Variants in DACH2 observed in about 807,000 individuals in gnomAD.
DACH2 encodes the protein dachshund homolog 2.
In DACH2, 17 loss-of-function variants were observed where a neutral mutation model predicts 35.8. The observed-to-expected ratio is 0.48, with a 90% confidence interval of 0.33 to 0.71. DACH2 has a LOEUF of 0.71. Ranked by LOEUF, DACH2 falls within the 30% of genes least tolerant of loss-of-function variation. The pLI is 0.02. For missense variants in DACH2, 469 were observed against 472.7 expected, an observed-to-expected ratio of 0.99 and a Z score of 0.07; for synonymous variants, 195 against 177.3, an observed-to-expected ratio of 1.10 and a Z score of -0.79.
chrX:86,246,193 A>T (rs1000461449), intron 1 of DACH2, among the ~76,000 whole-genome samples: 3 of 111,982 alleles, frequency 2.7e-5, no homozygotes, highest in African/African-American at 9.7e-5. Context: ...TCATATGAAC[A>T]TTGGCATCCC....
At chrX:86,158,669 C>G (rs962519748) in intron 1 of DACH2, among the ~76,000 whole-genome samples, 2 of 110,309 alleles carry the variant, frequency 1.8e-5, no homozygotes, top group African/African-American at 6.6e-5. Context: ...CTACCATCAT[C>G]CTATCATTAG....
chrX:86,762,924 C>T (rs1043213388), intron 7 of DACH2, among the ~76,000 whole-genome samples: 3 of 111,451 alleles, frequency 2.7e-5, no homozygotes, highest in South Asian at 3.7e-4. Context: ...ATTTTTTGTA[C>T]GCATTAACCA....
At chrX:86,531,226 T>C (rs1292777942) in intron 3 of DACH2, among the ~76,000 whole-genome samples, 2 of 112,099 alleles carry the variant, frequency 1.8e-5, no homozygotes, top group Admixed American at 1.9e-4. Flanking sequence ...ACACCCATTT[T>C]CTGTGGAGAA....
intron 3 of DACH2, among the ~76,000 whole-genome samples, chrX:86,539,812 C>T (rs1334628062): frequency 9.0e-6 from 1 of 111,411 alleles, no homozygotes; most frequent in East Asian, 2.8e-4. Flanking sequence ...ATGTAAACAA[C>T]TTAGCATAGT....
At position 86,212,006 on chromosome X, in the gene DACH2, C is replaced by G. The variant is rs116439296; in HGVS notation, c.488+62898C>G. ...CAAAAGAAAGACAACATCTGGACTT[C>G]AAAAGTTCCTAGAGAAGACCTGAAT... On this transcript the variant is annotated intron_variant, in intron 1 of 11. Transcript: ENST00000373125. 3.3e-3 allele frequency among the ~76,000 whole-genome samples: 363 copies of G among 111,657 alleles called. 1 individual carries two copies. Among genetic ancestry groups the G allele is most frequent in the African/African-American group, 0.011 (347 of 30,883 alleles).
At chrX:86,464,504 C>T (rs1327932956) in intron 2 of DACH2, among the ~76,000 whole-genome samples, 1 of 110,257 alleles carries the variant, frequency 9.1e-6, no homozygotes, top group Non-Finnish European at 1.9e-5. Flanking sequence ...GAACATCACA[C>T]ACTAGGGCCT....
At chrX:86,701,958 C>T (rs2041149404) in intron 5 of DACH2, among the ~76,000 whole-genome samples, 2 of 111,413 alleles carry the variant, frequency 1.8e-5, no homozygotes, top group African/African-American at 3.3e-5. Flanking sequence ...ATACACCAAA[C>T]CCACATGACA....
At chrX:86,261,691 G>A (rs2033628158) in intron 1 of DACH2, among the ~76,000 whole-genome samples, 1 of 111,368 alleles carries the variant, frequency 9.0e-6, no homozygotes, top group Admixed American at 9.6e-5. Flanking sequence ...GCCCATACTT[G>A]AAATTATAAC....
At chrX:86,398,533 A>G (rs1385117406) in intron 2 of DACH2, among the ~76,000 whole-genome samples, 1 of 111,989 alleles carries the variant, frequency 8.9e-6, no homozygotes, top group East Asian at 2.8e-4. Context: ...ATTTAATGCT[A>G]TAAATTTCCC....
intron 2 of DACH2, among the ~76,000 whole-genome samples, chrX:86,391,922 A>AT (rs761424791): frequency 3.6e-5 from 4 of 110,786 alleles, no homozygotes; most frequent in East Asian, 2.8e-4. Flanking sequence ...ATGGAACATG[A>AT]TTTTTTTTGC....
At chrX:86,326,263 T>C (rs1298735330) in intron 1 of DACH2, among the ~76,000 whole-genome samples, 2 of 109,897 alleles carry the variant, frequency 1.8e-5, no homozygotes, top group South Asian at 3.8e-4. Flanking sequence ...AATCACGAGG[T>C]CAGGAGTTTG....
rs753712123 is a variant in DACH2, at chrX:86,821,682, C to T, written c.1750+5583C>T. The stretch of plus-strand genomic sequence containing the variant: ...GAAGAGCTCACATTAATTACTTAAT[C>T]GTTCAGGGCCTGGTTGTCAAGGATT... On this transcript the variant is annotated intron_variant, in intron 11 of 11. Transcript: ENST00000373125. Among the ~76,000 whole-genome samples the T allele has an allele frequency of 9.5e-4, 105 of 110,946 alleles. 1 individual carries two copies. Among genetic ancestry groups the T allele is most frequent in the Non-Finnish European group, 7.4e-4 (39 of 52,942 alleles).
chrX:86,459,046 A>G (rs1355352052), intron 2 of DACH2, among the ~76,000 whole-genome samples: 1 of 111,947 alleles, frequency 8.9e-6, no homozygotes, highest in Non-Finnish European at 1.9e-5. Context: ...TTAAAGAAAA[A>G]ATAGAGATTA....
At chrX:86,820,751 A>T (rs1429034337) in intron 11 of DACH2, among the ~76,000 whole-genome samples, 1 of 111,008 alleles carries the variant, frequency 9.0e-6, no homozygotes, top group Non-Finnish European at 1.9e-5. Flanking sequence ...ATATGTGAAT[A>T]TGTCTATTTT....
At chrX:86,296,215 T>A (rs1233031130) in intron 1 of DACH2, among the ~76,000 whole-genome samples, 11 of 103,518 alleles carry the variant, frequency 1.1e-4, no homozygotes, top group Non-Finnish European at 2.0e-4. Flanking sequence ...CCGTCTCTAC[T>A]AAAAATACAA....
intron 6 of DACH2, among the ~76,000 whole-genome samples, chrX:86,733,895 C>T (rs1449955333): frequency 1.8e-5 from 2 of 109,926 alleles, no homozygotes; most frequent in Non-Finnish European, 3.8e-5. Context: ...ACAAGAATCA[C>T]TACTTGGGTC....
At chrX:86,772,925 A>G (rs1017412062) in intron 7 of DACH2, among the ~76,000 whole-genome samples, 2 of 111,350 alleles carry the variant, frequency 1.8e-5, no homozygotes, top group African/African-American at 6.5e-5. Flanking sequence ...TTTAAAGAAA[A>G]CATCCTGTAA....
chrX:86,555,700 A>G (rs1405359514), intron 3 of DACH2, among the ~76,000 whole-genome samples: 1 of 111,753 alleles, frequency 8.9e-6, no homozygotes, highest in African/African-American at 3.2e-5. Flanking sequence ...TTGTTTAAAT[A>G]GTGAAAACTT....
intron 7 of DACH2, among the ~76,000 whole-genome samples, chrX:86,805,827 G>C (rs928255277): frequency 8.9e-6 from 1 of 112,087 alleles, no homozygotes; most frequent in Non-Finnish European, 1.9e-5. Flanking sequence ...CTAAAGCATA[G>C]CAAAAGTGAC....
Sources: gnomAD v4.1 joint callset for allele counts (sites outside exome capture counted in the v4.1 genomes callset) on GRCh38, gnomAD v4.1.1 for gene constraint, MANE v1.5 for transcripts, NCBI Gene and HGNC (gene_info 2026-07-23, HGNC 2026-07-21) for gene names.